The following LDB2 variants were observed in gnomAD, a reference collection of about 807,000 sequenced individuals.
The protein encoded by LDB2 is LIM domain-binding protein 2.
In LDB2, 12 loss-of-function variants were observed where a neutral mutation model predicts 44.3. The ratio of observed to expected loss-of-function variants is 0.27; its 90% CI spans 0.17 to 0.44. The LOEUF is 0.44. Ranked by LOEUF, LDB2 falls within the 20% of genes least tolerant of loss-of-function variation. The pLI, the probability that LDB2 is intolerant of heterozygous loss-of-function variation, is 1.00. For synonymous variants in LDB2, 164 were observed against 174.8 expected (o/e 0.94, Z 0.49); for missense variants, 344 against 473.5 (o/e 0.73, Z 2.54).
intron 1 of LDB2, among the ~76,000 whole-genome samples, chr4:16,837,359 T>A (rs1785059887): frequency 2.0e-5 from 3 of 152,306 alleles, no homozygotes; most frequent in African/African-American, 7.2e-5. Flanking sequence ...ACTAAATAAA[T>A]AAAATAATAA....
chr4:16,749,077 G>A (rs1474132692), intron 2 of LDB2, among the ~76,000 whole-genome samples: 1 of 152,144 alleles, frequency 6.6e-6, no homozygotes, highest in African/African-American at 2.4e-5. Flanking sequence ...CCAGTAAGAT[G>A]CATTCAATAA....
intron 2 of LDB2, among the ~76,000 whole-genome samples, chr4:16,651,960 T>G (rs1405845873): frequency 6.6e-6 from 1 of 152,170 alleles, no homozygotes; most frequent in Non-Finnish European, 1.5e-5. Context: ...TTCCTTTCAT[T>G]TCTTTATTTC....
chr4:16,635,684 A>AT (rs1733400147), intron 2 of LDB2, among the ~76,000 whole-genome samples: 1 of 151,208 alleles, frequency 6.6e-6, no homozygotes, highest in Non-Finnish European at 1.5e-5. Flanking sequence ...AGAAAAAAAA[A>AT]TAATAAAAAT....
chr4:16,751,914 C>G (rs1429729643), intron 2 of LDB2, among the ~76,000 whole-genome samples: 2 of 152,174 alleles, frequency 1.3e-5, no homozygotes, highest in Non-Finnish European at 2.9e-5. Context: ...TCATTAATCA[C>G]AATATCAGTT....
Position 16,734,703 on chromosome 4 carries a change from C to CT in LDB2, c.235+24454dup, listed in dbSNP as rs539507998. Among the ~76,000 whole-genome samples, 804 of 129,296 alleles carry CT rather than the reference C, an allele frequency of 6.2e-3. 3 individuals are homozygous for CT. The highest frequency in any genetic ancestry group is 0.012 in the Middle Eastern group (3 of 242). The allele number at this position is 129,296 out of a possible 152,430, so 84.8% of individuals were successfully genotyped here. A position where few individuals can be genotyped will look rare whatever the true frequency, so the allele number is the denominator to read the frequency against. On this transcript the variant is annotated intron_variant, in intron 2 of 7. Coordinates refer to ENST00000304523, the MANE Select transcript of LDB2 (RefSeq NM_001290.5). ...CTGCTGCTTCCCAACTTCTTGTTTT[C>CT]TTTTTTTTTTTTTTTTTTTTTTGAG...
intron 2 of LDB2, among the ~76,000 whole-genome samples, chr4:16,687,096 A>C (rs559997018): frequency 6.6e-6 from 1 of 151,358 alleles, no homozygotes; most frequent in South Asian, 2.1e-4. Context: ...AGATTGCCTG[A>C]CTTTCCTCTA....
intron 1 of LDB2, among the ~76,000 whole-genome samples, chr4:16,878,069 G>A (rs994371034): frequency 4.6e-5 from 7 of 152,212 alleles, no homozygotes; most frequent in Non-Finnish European, 7.3e-5. Context: ...GAACAAACTT[G>A]GAGTAATGAA....
intron 7 of LDB2, chr4:16,503,278 T>C: frequency 1.3e-6 from 1 of 751,934 alleles, no homozygotes; most frequent in Non-Finnish European, 2.2e-6. Flanking sequence ...ATTTAGGGCC[T>C]GTGAGTGGCT....
At chr4:16,735,308 T>A (rs1260998000) in intron 2 of LDB2, among the ~76,000 whole-genome samples, 2 of 152,090 alleles carry the variant, frequency 1.3e-5, no homozygotes, top group Admixed American at 1.3e-4. Context: ...CCTGTCCAAA[T>A]GAAGAGTTGC....
intron 1 of LDB2, among the ~76,000 whole-genome samples, chr4:16,890,423 C>T (rs1723037477): frequency 6.6e-6 from 1 of 152,174 alleles, no homozygotes; most frequent in South Asian, 2.1e-4. Context: ...GCAATGTCAC[C>T]AGAACAGGAC....
chr4:16,547,141 A>G (rs1022402496), intron 5 of LDB2, among the ~76,000 whole-genome samples: 2 of 152,158 alleles, frequency 1.3e-5, no homozygotes, highest in African/African-American at 4.8e-5. Flanking sequence ...TCTTATAAGA[A>G]GGGGAGAGGA....
intron 5 of LDB2, among the ~76,000 whole-genome samples, chr4:16,535,429 T>A (rs1731482519): frequency 6.6e-6 from 1 of 152,186 alleles, no homozygotes; most frequent in South Asian, 2.1e-4. Context: ...CATTTATTCA[T>A]CCAACAAATA....
At chr4:16,865,893 T>C (rs1192876542) in intron 1 of LDB2, among the ~76,000 whole-genome samples, 1 of 152,036 alleles carries the variant, frequency 6.6e-6, no homozygotes, top group African/African-American at 2.4e-5. Flanking sequence ...TAGAATATTC[T>C]TCCCCAAACC....
chr4:16,534,263 C>T (rs75151053), intron 5 of LDB2, among the ~76,000 whole-genome samples: 1,626 of 152,224 alleles, frequency 0.011, 24 homozygotes, highest in African/African-American at 0.034. Context: ...TTAATATCCT[C>T]GATGTTCTCA....
At chr4:16,844,645 C>A (rs942240314) in intron 1 of LDB2, among the ~76,000 whole-genome samples, 3 of 152,164 alleles carry the variant, frequency 2.0e-5, no homozygotes, top group African/African-American at 7.2e-5. Context: ...TTTACAAGAA[C>A]AATCCCCATG....
chr4:16,658,985 ACAAT>A (rs2152537119), intron 2 of LDB2, among the ~76,000 whole-genome samples: 1 of 152,362 alleles, frequency 6.6e-6, no homozygotes, highest in South Asian at 2.1e-4. Flanking sequence ...CAAGAAATAA[ACAAT>A]CAAACAAATA....
chr4:16,628,154 G>A (rs1390135739), intron 2 of LDB2, among the ~76,000 whole-genome samples: 3 of 152,188 alleles, frequency 2.0e-5, no homozygotes, highest in Non-Finnish European at 4.4e-5. Flanking sequence ...ATCATGCCTA[G>A]TACCTCTTCT....
chr4:16,714,797 T>C (rs1030573734), intron 2 of LDB2, among the ~76,000 whole-genome samples: 5 of 152,094 alleles, frequency 3.3e-5, no homozygotes, highest in African/African-American at 1.2e-4. Flanking sequence ...TATAGACACA[T>C]CACCCTAATC....
At chr4:16,660,210 G>A (rs925738226) in intron 2 of LDB2, among the ~76,000 whole-genome samples, 1 of 152,132 alleles carries the variant, frequency 6.6e-6, no homozygotes, top group Admixed American at 6.5e-5. Flanking sequence ...GTTCTCTGAT[G>A]CAGAATCCTA....
Sources: gnomAD v4.1 joint callset for allele counts (sites outside exome capture counted in the v4.1 genomes callset) on GRCh38, gnomAD v4.1.1 for gene constraint, MANE v1.5 for transcripts, NCBI Gene and HGNC (gene_info 2026-07-23, HGNC 2026-07-21) for gene names.